The following KSR1 variants were observed in gnomAD, a reference collection of about 807,000 sequenced individuals.
The protein encoded by KSR1 is kinase suppressor of ras 1, also known as kinase suppressor of ras.
Under a neutral mutation model 92.9 loss-of-function variants are expected in KSR1, and 35 were observed. The observed-to-expected ratio is 0.38, with a 90% CI of 0.29 to 0.50. The LOEUF (loss-of-function observed/expected upper bound fraction) is 0.50, where lower values mean the gene tolerates loss of function less well. KSR1 is among the 20% of genes least tolerant of loss of function. KSR1 has a pLI of 0.94. For missense variants in KSR1, 972 were observed against 1,158.5 expected, an observed-to-expected ratio of 0.84 and a Z score of 2.34; for synonymous variants, 467 against 472.6, an observed-to-expected ratio of 0.99 and a Z score of 0.15.
chr17:27,469,606 A>G (rs1448615247), intron 1 of KSR1, among the ~76,000 whole-genome samples: 1 of 152,144 alleles, frequency 6.6e-6, no homozygotes, highest in African/African-American at 2.4e-5. Flanking sequence ...AGGGGATAAG[A>G]GTAGGTTAAT....
chr17:27,482,764 A>G (rs2068546885), intron 1 of KSR1, among the ~76,000 whole-genome samples: 1 of 152,256 alleles, frequency 6.6e-6, no homozygotes, highest in Admixed American at 6.5e-5. Flanking sequence ...GTATGACCCC[A>G]GTTAATTATT....
intron 2 of KSR1, among the ~76,000 whole-genome samples, chr17:27,571,857 A>C (rs2072322184): frequency 6.6e-6 from 1 of 152,212 alleles, no homozygotes; most frequent in African/African-American, 2.4e-5. Flanking sequence ...CTGACTGGCC[A>C]CAGGGAGTGT....
intron 17 of KSR1, 133 bp from the exon 18 acceptor site, chr17:27,611,361 C>T: frequency 8.7e-7 from 1 of 1,146,808 alleles, no homozygotes; most frequent in Non-Finnish European, 1.2e-6. Context: ...ACTGTAGCAT[C>T]CCCTGAAGCC....
At chr17:27,531,837 C>T (rs1013422661) in intron 1 of KSR1, among the ~76,000 whole-genome samples, 2 of 152,190 alleles carry the variant, frequency 1.3e-5, no homozygotes, top group South Asian at 2.1e-4. Context: ...ATAACACCCA[C>T]CTCCCCAGAT....
At chr17:27,514,242 A>G (rs2069707502) in intron 1 of KSR1, among the ~76,000 whole-genome samples, 1 of 152,274 alleles carries the variant, frequency 6.6e-6, no homozygotes, top group African/African-American at 2.4e-5. Flanking sequence ...CCCCAAAGAC[A>G]TGAAAATACT....
chr17:27,544,134 G>T (rs903434942), intron 1 of KSR1, among the ~76,000 whole-genome samples: 1 of 152,200 alleles, frequency 6.6e-6, no homozygotes, highest in East Asian at 1.9e-4. Context: ...TTTTGAGGTA[G>T]ATCAACCCCA....
At chr17:27,575,753 T>G (rs531048582) in intron 2 of KSR1, among the ~76,000 whole-genome samples, 1 of 152,334 alleles carries the variant, frequency 6.6e-6, no homozygotes, top group Admixed American at 6.5e-5. Flanking sequence ...GGGCACAAGT[T>G]TTGAAGTCCA....
rs751691403 is a variant in KSR1, at chr17:27,611,483, G to A, written c.2358-11G>A. On this transcript the variant is annotated splice_polypyrimidine_tract_variant and intron_variant, in intron 17 of 20. Coordinates refer to ENST00000644974, the MANE Select transcript of KSR1 (RefSeq NM_001394583.1). Reference sequence around the variant, plus strand: ...GCCCAGGAGCTCACAGACATGGCTGGGTCTCTGCAGGACTGTTTGGTATGA... The same window carrying A: ...GCCCAGGAGCTCACAGACATGGCTGAGTCTCTGCAGGACTGTTTGGTATGA... 1.1e-5 allele frequency: 18 copies of A among 1,613,646 alleles called. No individual in the cohort carries two copies. In the African/African-American group the frequency reaches 1.2e-4, roughly 11 times the overall value.
chr17:27,536,197 G>A (rs1359173797), intron 1 of KSR1, among the ~76,000 whole-genome samples: 6 of 152,204 alleles, frequency 3.9e-5, no homozygotes, highest in Admixed American at 6.5e-5. Context: ...ATCTCCAGCC[G>A]AAGGGCCCCT....
At chr17:27,486,445 A>G (rs2068667612) in intron 1 of KSR1, among the ~76,000 whole-genome samples, 1 of 152,202 alleles carries the variant, frequency 6.6e-6, no homozygotes, top group African/African-American at 2.4e-5. Flanking sequence ...GGAACTCCCT[A>G]GTGGGCTTGC....
chr17:27,558,265 TCTC>T (rs1464874341), intron 2 of KSR1: 63 of 105,274 alleles, frequency 6.0e-4, no homozygotes, highest in South Asian at 2.4e-3. Flanking sequence ...CTCCCTTCTC[TCTC>T]TTTTTTTTTT....
At chr17:27,526,899 T>C (rs1229649740) in intron 1 of KSR1, 3 of 636,984 alleles carry the variant, frequency 4.7e-6, no homozygotes, top group Admixed American at 2.8e-5. Context: ...GGTGATCTCC[T>C]TCCCTAGGAC....
intron 2 of KSR1, among the ~76,000 whole-genome samples, chr17:27,551,613 G>C (rs2071400078): frequency 1.3e-5 from 2 of 150,624 alleles, no homozygotes; most frequent in Non-Finnish European, 3.0e-5. Context: ...ATTTCTATCT[G>C]GACTGTCCTG....
At chr17:27,486,169 C>T (rs1444513664) in intron 1 of KSR1, among the ~76,000 whole-genome samples, 1 of 152,252 alleles carries the variant, frequency 6.6e-6, no homozygotes, top group East Asian at 1.9e-4. Flanking sequence ...ATCCTGCTTT[C>T]TTAACTTCCC....
At chr17:27,588,988 G>A (rs1375134939) in intron 6 of KSR1, among the ~76,000 whole-genome samples, 1 of 152,186 alleles carries the variant, frequency 6.6e-6, no homozygotes, top group Non-Finnish European at 1.5e-5. Context: ...GTTGATGTGA[G>A]AAGTAATTAA....
intron 3 of KSR1, chr17:27,580,025 T>G (rs922208746): frequency 6.6e-6 from 1 of 150,942 alleles, no homozygotes; most frequent in Non-Finnish European, 1.5e-5. Context: ...TCTGTGTGAC[T>G]GTAGTGTCAT....
At chr17:27,492,064 G>T (rs2068847507) in intron 1 of KSR1, among the ~76,000 whole-genome samples, 1 of 152,174 alleles carries the variant, frequency 6.6e-6, no homozygotes, top group African/African-American at 2.4e-5. Flanking sequence ...TCACCTGATG[G>T]GACGCCTTTG....
At chr17:27,590,076 T>TAC (rs1453089348) in intron 6 of KSR1, among the ~76,000 whole-genome samples, 1 of 152,234 alleles carries the variant, frequency 6.6e-6, no homozygotes, top group Non-Finnish European at 1.5e-5. Flanking sequence ...TATGTATTCA[T>TAC]ACACACACAC....
At chr17:27,576,036 C>T (rs1423879059) in intron 2 of KSR1, among the ~76,000 whole-genome samples, 2 of 152,172 alleles carry the variant, frequency 1.3e-5, no homozygotes, top group Non-Finnish European at 2.9e-5. Flanking sequence ...GGTCTGAGGT[C>T]CTCATTCCCT....
Sources: allele counts gnomAD v4.1 joint callset (sites outside exome capture counted in the v4.1 genomes callset), GRCh38; gene constraint gnomAD v4.1.1; transcripts MANE v1.5; gene names NCBI Gene and HGNC (gene_info 2026-07-23, HGNC 2026-07-21).